Variants in MAGI2 observed in about 807,000 individuals in gnomAD.
MAGI2 encodes membrane associated guanylate kinase, WW and PDZ domain containing 2.
Under a neutral mutation model 133.3 loss-of-function variants are expected in MAGI2, and 35 were observed. The ratio of observed to expected loss-of-function variants is 0.26; its 90% CI spans 0.20 to 0.35. MAGI2 has a LOEUF of 0.35. Among genes scored for constraint, MAGI2 ranks in the 10% least tolerant of loss-of-function variants. MAGI2 has a pLI of 1.00. For synonymous variants in MAGI2, 729 were observed against 710.6 expected (o/e 1.03, Z -0.41); for missense variants, 1,636 against 1,863.4 (o/e 0.88, Z 2.25).
At chr7:78,511,936 A>C (rs1439372693) in intron 4 of MAGI2, among the ~76,000 whole-genome samples, 1 of 151,508 alleles carries the variant, frequency 6.6e-6, no homozygotes, top group Non-Finnish European at 1.5e-5. Context: ...TCTACTAAAA[A>C]AAAAACACCA....
intron 1 of MAGI2, among the ~76,000 whole-genome samples, chr7:79,053,542 G>C (rs920239613): frequency 2.6e-5 from 4 of 151,956 alleles, no homozygotes; most frequent in Non-Finnish European, 5.9e-5. Flanking sequence ...TTTATAATAT[G>C]TATCCCATTT....
intron 6 of MAGI2, among the ~76,000 whole-genome samples, chr7:78,389,138 T>C (rs562907711): frequency 1.3e-5 from 2 of 152,330 alleles, no homozygotes; most frequent in African/African-American, 2.4e-5. Flanking sequence ...ACTTTATCAG[T>C]GTTAATAAAA....
rs139080749 is a variant in MAGI2 at position 78,591,248 on chromosome 7, A to G, written c.538+35872T>C. Among the ~76,000 whole-genome samples the G allele has an allele frequency of 1.4e-3, 211 of 152,326 alleles. 2 individuals are homozygous for G. The highest frequency in any genetic ancestry group is 4.7e-3 in the African/African-American group (196 of 41,574). On this transcript the variant is annotated intron_variant, in intron 3 of 21. Coordinates refer to ENST00000354212, the MANE Select transcript of MAGI2 (RefSeq NM_012301.4). Reference sequence around the variant, plus strand: ...TCTATTTCAAGAAGTCATATTGACTATATCTCTTCTCCTTCCTGAAACAGA... The same window carrying G: ...TCTATTTCAAGAAGTCATATTGACTGTATCTCTTCTCCTTCCTGAAACAGA...
At chr7:78,889,602 C>A (rs1279113550) in intron 2 of MAGI2, among the ~76,000 whole-genome samples, 1 of 152,160 alleles carries the variant, frequency 6.6e-6, no homozygotes, top group Non-Finnish European at 1.5e-5. Flanking sequence ...GAATTTTCAA[C>A]CCAGAATTTC....
chr7:78,705,508 A>G (rs1416604026), intron 2 of MAGI2, among the ~76,000 whole-genome samples: 1 of 152,130 alleles, frequency 6.6e-6, no homozygotes, highest in Non-Finnish European at 1.5e-5. Flanking sequence ...GGGTAAATCT[A>G]AAGCCAGATA....
At chr7:78,381,157 G>T (rs1794885952) in intron 6 of MAGI2, among the ~76,000 whole-genome samples, 1 of 152,088 alleles carries the variant, frequency 6.6e-6, no homozygotes, top group South Asian at 2.1e-4. Context: ...GACCAGCCTG[G>T]CCAACATGGC....
At chr7:78,715,018 T>C (rs1014637303) in intron 2 of MAGI2, among the ~76,000 whole-genome samples, 1 of 152,206 alleles carries the variant, frequency 6.6e-6, no homozygotes, top group Non-Finnish European at 1.5e-5. Flanking sequence ...AGACCTCTTA[T>C]ATATGTTTTT....
intron 21 of MAGI2, among the ~76,000 whole-genome samples, chr7:78,070,582 GTGTATATATATGTGTATATA>G (rs1814547834): frequency 1.7e-5 from 1 of 59,432 alleles, no homozygotes; most frequent in East Asian, 6.9e-4. Flanking sequence ...GTGTATATAT[GTGTATATATATGTGTATATA>G]TGTGTATATA....
chr7:79,358,497 T>A (rs923858288), intron 1 of MAGI2, among the ~76,000 whole-genome samples: 1 of 151,874 alleles, frequency 6.6e-6, no homozygotes, highest in African/African-American at 2.4e-5. Flanking sequence ...AGATAAAAGG[T>A]TCTGAAAATG....
At chr7:78,513,726 G>A (rs565915764) in intron 4 of MAGI2, among the ~76,000 whole-genome samples, 14 of 152,170 alleles carry the variant, frequency 9.2e-5, no homozygotes, top group South Asian at 2.1e-4. Flanking sequence ...CACAAATTAC[G>A]TAAACTTGCA....
intron 2 of MAGI2, among the ~76,000 whole-genome samples, chr7:78,762,698 A>G (rs182591406): frequency 1.2e-3 from 177 of 152,338 alleles, no homozygotes; most frequent in Non-Finnish European, 2.1e-3. Context: ...AGTGAGAGAA[A>G]CAGAATTGTA....
chr7:78,840,697 C>T (rs1422283538), intron 2 of MAGI2, among the ~76,000 whole-genome samples: 1 of 151,938 alleles, frequency 6.6e-6, no homozygotes, highest in Non-Finnish European at 1.5e-5. Context: ...ATGTTACCAA[C>T]ATCAAAGAGC....
chr7:78,240,091 G>A (rs1411081240), intron 10 of MAGI2, among the ~76,000 whole-genome samples: 5 of 151,972 alleles, frequency 3.3e-5, no homozygotes, highest in South Asian at 2.1e-4. Flanking sequence ...CCATCAACTC[G>A]TCATTTACGT....
intron 1 of MAGI2, among the ~76,000 whole-genome samples, chr7:79,188,052 T>C (rs746522281): frequency 1.3e-5 from 2 of 151,908 alleles, no homozygotes; most frequent in African/African-American, 2.4e-5. Flanking sequence ...TTAGTTGTTG[T>C]CTCAGCCTTC....
At chr7:79,368,847 CAAAA>C (rs71095400) in intron 1 of MAGI2, among the ~76,000 whole-genome samples, 43 of 75,328 alleles carry the variant, frequency 5.7e-4, no homozygotes, top group African/African-American at 1.7e-3. Context: ...GACTCCGTCT[CAAAA>C]AAAAAAAAAA....
chr7:78,937,960 G>C (rs1000662102), intron 2 of MAGI2, among the ~76,000 whole-genome samples: 6 of 152,108 alleles, frequency 3.9e-5, no homozygotes, highest in Non-Finnish European at 8.8e-5. Flanking sequence ...ATGTTGCAGA[G>C]TTTTCAAGAA....
At chr7:78,444,401 C>T (rs1241481198) in intron 6 of MAGI2, among the ~76,000 whole-genome samples, 4 of 151,936 alleles carry the variant, frequency 2.6e-5, no homozygotes, top group East Asian at 1.9e-4. Context: ...GGCTTTAGGT[C>T]GAGTTTTAAT....
chr7:79,277,451 T>C (rs1358223079), intron 1 of MAGI2, among the ~76,000 whole-genome samples: 2 of 152,288 alleles, frequency 1.3e-5, no homozygotes, highest in Middle Eastern at 3.4e-3. Flanking sequence ...CTATTCACTT[T>C]ATTGTGGTGG....
chr7:78,934,586 T>G (rs1015170199), intron 2 of MAGI2, among the ~76,000 whole-genome samples: 1 of 152,156 alleles, frequency 6.6e-6, no homozygotes, highest in African/African-American at 2.4e-5. Flanking sequence ...CACCTTTGCT[T>G]TCTGATGTTG....
Sources: allele counts gnomAD v4.1 joint callset (sites outside exome capture counted in the v4.1 genomes callset), GRCh38; gene constraint gnomAD v4.1.1; transcripts MANE v1.5; gene names NCBI Gene and HGNC (gene_info 2026-07-23, HGNC 2026-07-21).